SND1: variants seen among roughly 807,000 people sequenced by gnomAD.
SND1 encodes staphylococcal nuclease and tudor domain containing 1.
In SND1, 38 loss-of-function variants were observed where a neutral mutation model predicts 121.7. The observed-to-expected ratio is 0.31, with a 90% CI of 0.24 to 0.41. The LOEUF (loss-of-function observed/expected upper bound fraction) is 0.41. SND1 is among the 10% of genes least tolerant of loss of function. The pLI, the probability that SND1 is intolerant of heterozygous loss-of-function variation, is 1.00. For missense variants in SND1, 868 were observed against 1,184.6 expected (o/e 0.73, Z 3.92); for synonymous variants, 401 against 447.4 (o/e 0.90, Z 1.31).
At chr7:127,720,901 C>T (rs979179562) in intron 9 of SND1, among the ~76,000 whole-genome samples, 1 of 152,090 alleles carries the variant, frequency 6.6e-6, no homozygotes, top group African/African-American at 2.4e-5. Context: ...CAACCCTTGC[C>T]TCTTTTTCTA....
intron 1 of SND1, among the ~76,000 whole-genome samples, chr7:127,681,252 A>G (rs1795721206): frequency 6.6e-6 from 1 of 152,198 alleles, no homozygotes. Flanking sequence ...ATGACTAATG[A>G]TGAAGAGCAT....
At chr7:127,899,934 TA>T (rs1800195726) in intron 13 of SND1, among the ~76,000 whole-genome samples, 1 of 152,156 alleles carries the variant, frequency 6.6e-6, no homozygotes, top group Non-Finnish European at 1.5e-5. Flanking sequence ...AAAGCATTGT[TA>T]AAAGGAAGTT....
At chr7:127,824,897 C>G (rs1238524141) in intron 11 of SND1, among the ~76,000 whole-genome samples, 5 of 152,026 alleles carry the variant, frequency 3.3e-5, no homozygotes, top group African/African-American at 1.2e-4. Flanking sequence ...GTGTATTTGC[C>G]AAATTTTTGG....
intron 16 of SND1, among the ~76,000 whole-genome samples, chr7:128,034,238 T>TCAGGAAA (rs1161319849): frequency 6.6e-6 from 1 of 152,094 alleles, no homozygotes; most frequent in African/African-American, 2.4e-5. Context: ...GTGAAGGATG[T>TCAGGAAA]GTCAGAGAAG....
intron 10 of SND1, among the ~76,000 whole-genome samples, chr7:127,789,461 G>A (rs945208380): frequency 2.0e-5 from 3 of 152,184 alleles, no homozygotes; most frequent in Admixed American, 6.5e-5. Flanking sequence ...TTTTTTTATA[G>A]CTAAAATTAG....
chr7:127,972,078 T>G (rs1209093452), intron 15 of SND1, among the ~76,000 whole-genome samples: 1 of 152,054 alleles, frequency 6.6e-6, no homozygotes, highest in Non-Finnish European at 1.5e-5. Flanking sequence ...CCTGGCCAGC[T>G]TGATGAATTT....
intron 11 of SND1, among the ~76,000 whole-genome samples, chr7:127,832,917 A>T (rs1210142338): frequency 6.6e-6 from 1 of 152,176 alleles, no homozygotes; most frequent in African/African-American, 2.4e-5. Context: ...TCTAGGTCTC[A>T]TGCTCTTTAT....
chr7:127,805,989 A>G (rs1584586542), intron 10 of SND1, among the ~76,000 whole-genome samples: 1 of 152,176 alleles, frequency 6.6e-6, no homozygotes, highest in East Asian at 1.9e-4. Flanking sequence ...ATCAGTCTGC[A>G]TGTTTCTTTG....
At chr7:127,749,021 T>A (rs956749369) in intron 10 of SND1, among the ~76,000 whole-genome samples, 1 of 151,010 alleles carries the variant, frequency 6.6e-6, no homozygotes, top group Non-Finnish European at 1.5e-5. Context: ...GACATGGATA[T>A]GTTAATGTAT....
At chr7:127,752,147 A>G (rs1797107963) in intron 10 of SND1, among the ~76,000 whole-genome samples, 1 of 152,238 alleles carries the variant, frequency 6.6e-6, no homozygotes, top group Non-Finnish European at 1.5e-5. Flanking sequence ...TGTCTTCCTA[A>G]TATAACTGGA....
intron 16 of SND1, among the ~76,000 whole-genome samples, chr7:128,057,956 G>A (rs1793169789): frequency 6.6e-6 from 1 of 152,220 alleles, no homozygotes; most frequent in Admixed American, 6.5e-5. Flanking sequence ...TTTCCCTGCA[G>A]GTACTAAAAG....
At chr7:127,714,975 T>C (rs1401831775) in intron 9 of SND1, among the ~76,000 whole-genome samples, 4 of 152,214 alleles carry the variant, frequency 2.6e-5, no homozygotes, top group Non-Finnish European at 5.9e-5. Flanking sequence ...TACAAATATC[T>C]CTTTGAGACC....
At chr7:127,783,275 C>T (rs1230707425) in intron 10 of SND1, among the ~76,000 whole-genome samples, 1 of 152,166 alleles carries the variant, frequency 6.6e-6, no homozygotes, top group African/African-American at 2.4e-5. Context: ...GGCTCTTATT[C>T]TATCTACCTC....
Position 128,092,064 on chromosome 7 carries a change from G to C in SND1, c.*6G>C, listed in dbSNP as rs1158480772. On this transcript the variant is annotated 3_prime_UTR_variant, in exon 24 of 24. Transcript: ENST00000354725. This position sits in a 1 kb window ranked among gnomAD's most constrained non-coding sequence, Gnocchi z 4.9. ...AATTTGGCTACAGCCGCTAAGGAGG[G>C]GATCGGGTTTGGCCCCCAGCCCCGC... 2 of 1,613,876 alleles carry C rather than the reference G, an allele frequency of 1.2e-6. No homozygotes were observed. Among genetic ancestry groups the C allele is most frequent in the African/African-American group, 1.3e-5 (1 of 74,960 alleles).
rs1793058544 is a variant in SND1 at position 128,052,208 on chromosome 7, G to A, written c.1780-22294G>A. ...TCAGGCCCAGAGGAGCTGCCAGGCA[G>A]GACGGAAGGCTGGGGCTGCCAGTGG... is the stretch of plus-strand genomic sequence containing the variant. On this transcript the variant is annotated intron_variant, in intron 16 of 23. Coordinates refer to ENST00000354725, the MANE Select transcript of SND1 (RefSeq NM_014390.4). This position sits in a 1 kb window ranked among gnomAD's most constrained non-coding sequence, Gnocchi z 4.6. Among the ~76,000 whole-genome samples, 1 of 152,216 alleles carries A rather than the reference G, an allele frequency of 6.6e-6. No homozygotes were observed. Among genetic ancestry groups the A allele is most frequent in the Middle Eastern group, 3.2e-3 (1 of 316 alleles).
intron 15 of SND1, among the ~76,000 whole-genome samples, chr7:127,988,410 G>A (rs1802443853): frequency 6.6e-6 from 1 of 152,222 alleles, no homozygotes; most frequent in Non-Finnish European, 1.5e-5. Context: ...GCTGGGAAGT[G>A]GACTAGCAAC....
At chr7:128,025,976 C>T (rs746728124) in intron 16 of SND1, among the ~76,000 whole-genome samples, 6 of 150,432 alleles carry the variant, frequency 4.0e-5, no homozygotes, top group Non-Finnish European at 7.4e-5. Flanking sequence ...TTAGTCATTG[C>T]AAAGTTACTG....
intron 12 of SND1, among the ~76,000 whole-genome samples, chr7:127,874,737 C>T (rs958385170): frequency 1.3e-5 from 2 of 152,118 alleles, no homozygotes; most frequent in Admixed American, 6.6e-5. Context: ...CGAATCATTT[C>T]TCCCATACCC....
chr7:127,908,582 A>T (rs1800394890), intron 14 of SND1, among the ~76,000 whole-genome samples: 1 of 152,060 alleles, frequency 6.6e-6, no homozygotes, highest in African/African-American at 2.4e-5. Flanking sequence ...GGTGTTCCAG[A>T]GTGTGTAGAA....
Sources: gnomAD v4.1 joint callset for allele counts (sites outside exome capture counted in the v4.1 genomes callset) on GRCh38, gnomAD v4.1.1 for gene constraint, Gnocchi (gnomAD v3.1) non-coding constraint, MANE v1.5 for transcripts, NCBI Gene and HGNC (gene_info 2026-07-23, HGNC 2026-07-21) for gene names.